Variants in ARB2A observed in about 807,000 individuals in gnomAD.
ARB2A encodes the protein ARB2 cotranscriptional regulator A.
At chr5:94,020,066 C>T in the ARB2A span, among the ~76,000 whole-genome samples, 8 of 152,252 alleles carry the variant, frequency 5.3e-5, no homozygotes, top group Admixed American at 1.3e-4. Flanking sequence ...ATGTACACCA[C>T]GTAATGCTAT....
the ARB2A span, among the ~76,000 whole-genome samples, chr5:93,751,138 GTTTTTTTGCCCCAACTTTT>G: frequency 3.4e-5 from 5 of 147,532 alleles, no homozygotes; most frequent in South Asian, 2.1e-4. Flanking sequence ...TAGGGTGTAT[GTTTTTTTGCCCCAACTTTT>G]TTTTTTTGCC....
chr5:93,964,492 TC>T, the ARB2A span: 1 of 1,582,878 alleles, frequency 6.3e-7, no homozygotes, highest in Non-Finnish European at 8.6e-7. Context: ...ACAATCCTTT[TC>T]CAGGAGCTCA....
At chr5:93,678,805 A>C in the ARB2A span, among the ~76,000 whole-genome samples, 1 of 152,104 alleles carries the variant, frequency 6.6e-6, no homozygotes, top group African/African-American at 2.4e-5. Flanking sequence ...AAAAGTAATG[A>C]GCATACTAAC....
chr5:93,794,604 G>A, the ARB2A span, among the ~76,000 whole-genome samples: 7 of 151,928 alleles, frequency 4.6e-5, no homozygotes, highest in East Asian at 1.2e-3. Context: ...TTGTCCCACA[G>A]GGTGCTCCCT....
At chr5:93,740,442 AT>A in the ARB2A span, 2 of 938,138 alleles carry the variant, frequency 2.1e-6, no homozygotes, top group Non-Finnish European at 3.2e-6. Flanking sequence ...ATTCCCTACT[AT>A]GTATCCTTAA....
At chr5:93,728,175 T>G in the ARB2A span, among the ~76,000 whole-genome samples, 45 of 151,506 alleles carry the variant, frequency 3.0e-4, no homozygotes, top group African/African-American at 1.1e-3. Context: ...AGGTGGTTGG[T>G]TTTTTTTTGT....
chr5:93,817,169 A>G, the ARB2A span, among the ~76,000 whole-genome samples: 13 of 152,174 alleles, frequency 8.5e-5, no homozygotes, highest in African/African-American at 3.1e-4. Context: ...AGACTAACAT[A>G]TAAAAATAAA....
the ARB2A span, chr5:93,881,733 CCATTT>C: frequency 7.5e-7 from 1 of 1,328,238 alleles, no homozygotes; most frequent in Admixed American, 2.9e-5. Flanking sequence ...ATCTTATAAT[CCATTT>C]CAATTTTCAA....
At chr5:93,980,467 GT>G in the ARB2A span, among the ~76,000 whole-genome samples, 1 of 152,180 alleles carries the variant, frequency 6.6e-6, no homozygotes, top group Non-Finnish European at 1.5e-5. Context: ...AGGACTCAAT[GT>G]AGTTCCTGAA....
At chr5:93,968,384 A>AGCCTT in the ARB2A span, among the ~76,000 whole-genome samples, 1 of 152,190 alleles carries the variant, frequency 6.6e-6, no homozygotes, top group Non-Finnish European at 1.5e-5. Flanking sequence ...GATACAATAA[A>AGCCTT]AAGTAAATGT....
chr5:94,058,016 T>C, the ARB2A span, among the ~76,000 whole-genome samples: 1 of 151,818 alleles, frequency 6.6e-6, no homozygotes. Flanking sequence ...TATTTATCCA[T>C]ACACATAGGA....
chr5:93,967,026 A>C, the ARB2A span, among the ~76,000 whole-genome samples: 1 of 152,120 alleles, frequency 6.6e-6, no homozygotes, highest in Non-Finnish European at 1.5e-5. Flanking sequence ...AAAAAAAAAA[A>C]AACATTTTCT....
the ARB2A span, among the ~76,000 whole-genome samples, chr5:93,784,930 T>C: frequency 6.6e-6 from 1 of 152,214 alleles, no homozygotes; most frequent in Non-Finnish European, 1.5e-5. Context: ...TAAAGAAAGA[T>C]ATCTTGCTTT....
At chr5:93,621,882 A>T in the ARB2A span, among the ~76,000 whole-genome samples, 1 of 152,230 alleles carries the variant, frequency 6.6e-6, no homozygotes, top group South Asian at 2.1e-4. Flanking sequence ...CAAAGCCGTG[A>T]CTACTAAAAG....
chr5:93,687,210 A>G, the ARB2A span, among the ~76,000 whole-genome samples: 1 of 152,190 alleles, frequency 6.6e-6, no homozygotes, highest in African/African-American at 2.4e-5. Context: ...GCTCAACCTC[A>G]CTGCTTACCA....
At chr5:93,711,888 G>A in the ARB2A span, among the ~76,000 whole-genome samples, 5 of 152,230 alleles carry the variant, frequency 3.3e-5, no homozygotes, top group Non-Finnish European at 7.3e-5. Context: ...CAAAAGCCCC[G>A]GCCCTGCTAG....
At chr5:93,961,676 C>CT in the ARB2A span, among the ~76,000 whole-genome samples, 34 of 151,586 alleles carry the variant, frequency 2.2e-4, no homozygotes, top group African/African-American at 7.5e-4. Flanking sequence ...GAGTGAGACT[C>CT]TGTCTCAAAA....
the ARB2A span, among the ~76,000 whole-genome samples, chr5:93,992,802 GA>G: frequency 6.6e-6 from 1 of 151,986 alleles, no homozygotes; most frequent in South Asian, 2.1e-4. Context: ...TATATCAAAA[GA>G]ATGGTAATTC....
At chr5:93,843,449 T>C in the ARB2A span, among the ~76,000 whole-genome samples, 1 of 132,738 alleles carries the variant, frequency 7.5e-6, no homozygotes, top group African/African-American at 2.9e-5. Context: ...TGAGACAGGG[T>C]CTCACTCTGT....
Sources: allele counts gnomAD v4.1 joint callset (sites outside exome capture counted in the v4.1 genomes callset), GRCh38; gene constraint gnomAD v4.1.1; transcripts MANE v1.5; gene names NCBI Gene and HGNC (gene_info 2026-07-23, HGNC 2026-07-21).